The following KLHL1 variants were observed in gnomAD, a reference collection of about 807,000 sequenced individuals.
The protein encoded by KLHL1 is kelch-like protein 1.
In KLHL1, 47 loss-of-function variants were observed where a neutral mutation model predicts 77.7. The observed-to-expected ratio is 0.60, with a 90% CI of 0.48 to 0.77. The LOEUF (loss-of-function observed/expected upper bound fraction) is 0.77. Ranked by LOEUF, KLHL1 falls within the 30% of genes least tolerant of loss-of-function variation. KLHL1 has a pLI of 0.00. For missense variants in KLHL1, 925 were observed against 910.8 expected (o/e 1.02, Z -0.20); for synonymous variants, 360 against 325.2 (o/e 1.11, Z -1.15).
At chr13:69,964,877 T>C (rs1884168231) in intron 2 of KLHL1, among the ~76,000 whole-genome samples, 1 of 152,172 alleles carries the variant, frequency 6.6e-6, no homozygotes, top group Non-Finnish European at 1.5e-5. Context: ...CATTGACTGA[T>C]TTTTGTTTGA....
chr13:70,062,434 A>G (rs1326251126), intron 1 of KLHL1, among the ~76,000 whole-genome samples: 1 of 152,214 alleles, frequency 6.6e-6, no homozygotes. Context: ...CTAGAAATGC[A>G]GATAAAACTT....
intron 1 of KLHL1, among the ~76,000 whole-genome samples, chr13:70,106,521 G>T (rs1004267891): frequency 6.6e-6 from 1 of 152,068 alleles, no homozygotes. Context: ...GTTTACCAAG[G>T]AGACAAAATT....
intron 6 of KLHL1, among the ~76,000 whole-genome samples, chr13:69,800,100 G>A (rs1425167671): frequency 6.6e-6 from 1 of 152,104 alleles, no homozygotes; most frequent in African/African-American, 2.4e-5. Context: ...CAAAAAGTTG[G>A]GGACTGCTAT....
chr13:69,916,570 T>C (rs1336886519), intron 4 of KLHL1, among the ~76,000 whole-genome samples: 3 of 150,676 alleles, frequency 2.0e-5, no homozygotes, highest in African/African-American at 7.3e-5. Flanking sequence ...AAGGGGAACA[T>C]CACATACCGG....
At chr13:69,962,136 T>C (rs1278609540) in intron 2 of KLHL1, among the ~76,000 whole-genome samples, 2 of 152,058 alleles carry the variant, frequency 1.3e-5, no homozygotes, top group African/African-American at 4.8e-5. Flanking sequence ...TTCAGGATAC[T>C]TTGTTTCCTT....
chr13:69,811,757 A>G (rs1301599733), intron 6 of KLHL1, among the ~76,000 whole-genome samples: 1 of 152,174 alleles, frequency 6.6e-6, no homozygotes, highest in Non-Finnish European at 1.5e-5. Flanking sequence ...CCCTAGACTT[A>G]TCATTTTTTA....
intron 10 of KLHL1, among the ~76,000 whole-genome samples, chr13:69,703,803 G>A (rs1338309351): frequency 2.0e-5 from 3 of 151,622 alleles, no homozygotes; most frequent in African/African-American, 7.3e-5. Flanking sequence ...ATATAGCTTT[G>A]TAACCTAGGA....
intron 7 of KLHL1, among the ~76,000 whole-genome samples, chr13:69,764,133 C>A (rs777795419): frequency 2.0e-5 from 3 of 152,158 alleles, no homozygotes; most frequent in Non-Finnish European, 4.4e-5. Flanking sequence ...GAAGCTGCTT[C>A]CGTGCATATT....
intron 2 of KLHL1, among the ~76,000 whole-genome samples, chr13:69,973,983 T>C (rs1884469717): frequency 6.6e-6 from 1 of 151,966 alleles, no homozygotes; most frequent in Non-Finnish European, 1.5e-5. Context: ...TTTCTTTGTC[T>C]TGTTTCCACA....
intron 7 of KLHL1, among the ~76,000 whole-genome samples, chr13:69,788,349 A>T (rs1876672762): frequency 6.6e-6 from 1 of 152,224 alleles, no homozygotes; most frequent in Non-Finnish European, 1.5e-5. Context: ...TAAAGAGTTC[A>T]CGTCCTTTGT....
chr13:69,710,997 G>A (rs982792950), intron 9 of KLHL1, among the ~76,000 whole-genome samples: 2 of 151,942 alleles, frequency 1.3e-5, no homozygotes, highest in African/African-American at 2.4e-5. Flanking sequence ...GCTACAAAAT[G>A]AAAACGTGTT....
rs775023304 is a variant in KLHL1 at position 70,002,171 on chromosome 13, G to A, written c.498-26369C>T. Among the ~76,000 whole-genome samples the A allele has an allele frequency of 1.1e-4, 16 of 151,258 alleles. 1 individual carries two copies. Among genetic ancestry groups the A allele is most frequent in the Non-Finnish European group, 2.2e-4 (15 of 67,634 alleles). On this transcript the variant is annotated intron_variant, in intron 1 of 10. Coordinates refer to ENST00000377844, the MANE Select transcript of KLHL1 (RefSeq NM_020866.3). ...GTACTCCTTAATACATAAAATCAAT[G>A]TTTATAATGCAGTTAAAATTACCAT...
chr13:69,895,002 G>A (rs1881579417), intron 4 of KLHL1: 7 of 504,044 alleles, frequency 1.4e-5, no homozygotes, highest in East Asian at 1.1e-4. Flanking sequence ...ATGTAGACAC[G>A]GTGGTATGAT....
At chr13:69,711,621 A>C (rs1221775993) in intron 9 of KLHL1, among the ~76,000 whole-genome samples, 1 of 152,180 alleles carries the variant, frequency 6.6e-6, no homozygotes, top group Non-Finnish European at 1.5e-5. Context: ...AATTAATTTC[A>C]ATACAAATTA....
chr13:70,023,179 A>T (rs1011300314), intron 1 of KLHL1, among the ~76,000 whole-genome samples: 2 of 151,946 alleles, frequency 1.3e-5, no homozygotes, highest in Non-Finnish European at 2.9e-5. Context: ...ATATTCAAAC[A>T]TATCAGCTCT....
intron 7 of KLHL1, among the ~76,000 whole-genome samples, chr13:69,766,937 T>C (rs1360405092): frequency 6.6e-6 from 1 of 152,200 alleles, no homozygotes; most frequent in African/African-American, 2.4e-5. Flanking sequence ...TGGAAAGTAA[T>C]TAATATACTT....
intron 4 of KLHL1, among the ~76,000 whole-genome samples, chr13:69,913,156 C>T (rs1882296035): frequency 6.6e-6 from 1 of 152,084 alleles, no homozygotes; most frequent in African/African-American, 2.4e-5. Context: ...AGATTAAGAC[C>T]TTTTTGTTTT....
chr13:69,805,123 G>C (rs1355991402), intron 6 of KLHL1, among the ~76,000 whole-genome samples: 1 of 151,488 alleles, frequency 6.6e-6, no homozygotes, highest in Non-Finnish European at 1.5e-5. Context: ...ATTTTTTTAA[G>C]TAATTTGTTA....
intron 1 of KLHL1, among the ~76,000 whole-genome samples, chr13:70,018,583 A>G (rs182426098): frequency 7.4e-4 from 112 of 152,370 alleles, no homozygotes; most frequent in African/African-American, 2.5e-3. Flanking sequence ...TGTGCTGTTT[A>G]GTGAGACTGA....
Sources: gnomAD v4.1 joint callset for allele counts (sites outside exome capture counted in the v4.1 genomes callset) on GRCh38, gnomAD v4.1.1 for gene constraint, MANE v1.5 for transcripts, NCBI Gene and HGNC (gene_info 2026-07-23, HGNC 2026-07-21) for gene names.